The following LVRN variants were observed in gnomAD, a reference collection of about 807,000 sequenced individuals.
LVRN encodes the protein aminopeptidase Q.
LVRN carries 99 observed loss-of-function variants against 111.4 expected under a neutral mutation model. The ratio of observed to expected loss-of-function variants is 0.89; its 90% CI spans 0.76 to 1.05. The LOEUF is 1.05. Among genes scored for constraint, LVRN ranks in the 50% least tolerant of loss-of-function variants. The pLI is 0.00. For synonymous variants in LVRN, 488 were observed against 449.5 expected (o/e 1.09, Z -1.08); for missense variants, 1,414 against 1,206.8 (o/e 1.17, Z -2.54).
rs1748214793 is a variant in LVRN, at chr5:116,000,486, C to T, written c.1569C>T (p.Val523=). 3.1e-6 allele frequency: 5 copies of T among 1,614,122 alleles called. No individual in the cohort carries two copies. The highest frequency in any genetic ancestry group is 4.2e-6 in the Non-Finnish European group (5 of 1,179,996). The change falls in exon 8 of 20, where the codon GTC becomes GTT. Residue 523 remains valine (V), a synonymous_variant. Transcript: ENST00000357872. ...LSCFLNEHLF[V]SALKSYLKTF... ...GTTTCTTGAATGAGCATTTATTTGT[C>T]AGTGCACTCAAGGTGAGTTTGCAAA...
intron 7 of LVRN, among the ~76,000 whole-genome samples, chr5:116,000,208 T>G (rs1254847066): frequency 6.6e-6 from 1 of 152,210 alleles, no homozygotes; most frequent in Non-Finnish European, 1.5e-5. Flanking sequence ...TTTAAAAATT[T>G]TATGTACTCT....
intron 9 of LVRN, 102 bp downstream of exon 9, chr5:116,000,760 C>A: frequency 1.5e-6 from 2 of 1,298,192 alleles, no homozygotes; most frequent in South Asian, 1.3e-5. Context: ...AGGAAAACAG[C>A]TTTGTCTTGT....
At chr5:115,987,165 A>G (rs1334278813) in intron 3 of LVRN, among the ~76,000 whole-genome samples, 4 of 152,168 alleles carry the variant, frequency 2.6e-5, no homozygotes, top group Non-Finnish European at 4.4e-5. Flanking sequence ...CACAAAACGG[A>G]CAAAACATGG....
intron 16 of LVRN, among the ~76,000 whole-genome samples, chr5:116,014,907 A>T (rs1156766255): frequency 6.6e-6 from 1 of 152,154 alleles, no homozygotes; most frequent in Non-Finnish European, 1.5e-5. Flanking sequence ...TTGTTGCCTC[A>T]CTGAGCTCTG....
rs1326062102 is a variant in LVRN, at chr5:116,027,250, G to T, written c.*1132G>T. The T allele has an allele frequency of 2.6e-5, 4 of 152,104 alleles. No individual in the cohort carries two copies. The highest frequency in any genetic ancestry group is 1.3e-4 in the Admixed American group (2 of 15,266). The allele number at this position is 152,104 out of a possible 1,614,324, so 9.4% of individuals were successfully genotyped here. On this transcript the variant is annotated 3_prime_UTR_variant, in exon 20 of 20. Coordinates refer to ENST00000357872, the MANE Select transcript of LVRN (RefSeq NM_173800.5). Reference sequence around the variant, plus strand: ...TTTTATTTTTATTTTTGTAGAATGGGGGTAAAACTACAAATCTCCTCCTCA... The same window carrying T: ...TTTTATTTTTATTTTTGTAGAATGGTGGTAAAACTACAAATCTCCTCCTCA...
intron 3 of LVRN, among the ~76,000 whole-genome samples, chr5:115,986,125 A>C (rs1372103810): frequency 6.6e-6 from 1 of 152,254 alleles, no homozygotes; most frequent in Admixed American, 6.5e-5. Flanking sequence ...ATACCGTTTT[A>C]GATGCAAATG....
At chr5:115,998,433 G>T (rs1186319490) in intron 6 of LVRN, among the ~76,000 whole-genome samples, 1 of 152,108 alleles carries the variant, frequency 6.6e-6, no homozygotes, top group Non-Finnish European at 1.5e-5. Flanking sequence ...TACAACTATG[G>T]GAATAAATAG....
rs557096669 is a variant in LVRN at position 115,996,131 on chromosome 5, G to A, written c.1374+2277G>A. 2.6e-5 allele frequency among the ~76,000 whole-genome samples: 4 copies of A among 152,296 alleles called. No individual in the cohort carries two copies. The East Asian group carries it at 5.8e-4, about 22-fold the overall frequency. ...ACTTCTTTTGAAAGCAGTTGGGTAT[G>A]TCCTAAATTAACTCTGTGGATAGAG... On this transcript the variant is annotated intron_variant, in intron 6 of 19. Coordinates refer to ENST00000357872, the MANE Select transcript of LVRN (RefSeq NM_173800.5).
chr5:115,996,471 C>A (rs13359771), intron 6 of LVRN, among the ~76,000 whole-genome samples: 5,115 of 152,216 alleles, frequency 0.034, 200 homozygotes, highest in Admixed American at 0.084. Flanking sequence ...GACATTGCCA[C>A]GTTCTTTGTT....
At chr5:115,986,169 G>C (rs1414198551) in intron 3 of LVRN, among the ~76,000 whole-genome samples, 2 of 152,214 alleles carry the variant, frequency 1.3e-5, no homozygotes, top group East Asian at 3.8e-4. Flanking sequence ...GTTGGCTCCA[G>C]TCTGATTTTC....
chr5:116,025,822 C>G lies in LVRN; in HGVS notation c.2833-156C>G, dbSNP rs139742429. On this transcript the variant is annotated intron_variant, in intron 19 of 19. Transcript: ENST00000357872. ...TTCATCACATTGTCTCAGTCACAGT[C>G]TCCCCAGGGACACACAACCTAGGAG... 5.2e-3 allele frequency among the ~76,000 whole-genome samples: 798 copies of G among 152,332 alleles called. 5 individuals are homozygous for G. The highest frequency in any genetic ancestry group is 9.5e-3 in the Non-Finnish European group (647 of 68,038).
chr5:115,998,346 A>G (rs1428085), intron 6 of LVRN, among the ~76,000 whole-genome samples: 86,638 of 151,914 alleles, frequency 0.57, 25,048 homozygotes, highest in South Asian at 0.76. Flanking sequence ...AGCAGCCATT[A>G]TAAGGGATAA....
chr5:115,975,782 C>A (rs1753433477), intron 1 of LVRN: 1 of 152,630 alleles, frequency 6.6e-6, no homozygotes, highest in Admixed American at 6.5e-5. Flanking sequence ...AATTTGCCTT[C>A]CTCCGGTTGT....
intron 10 of LVRN, among the ~76,000 whole-genome samples, chr5:116,002,066 TC>T (rs1287645503): frequency 1.3e-5 from 2 of 152,214 alleles, no homozygotes; most frequent in African/African-American, 4.8e-5. Context: ...TTCAGATAGT[TC>T]TACTCTTTCT....
chr5:116,013,479 A>G (rs1210657866), intron 15 of LVRN, among the ~76,000 whole-genome samples: 5 of 152,162 alleles, frequency 3.3e-5, no homozygotes, highest in Non-Finnish European at 5.9e-5. Context: ...TTCTCTTCAG[A>G]GAAGCTCTAG....
At chr5:116,003,567 G>GTTT (rs561117310) in intron 12 of LVRN, among the ~76,000 whole-genome samples, 187 bp downstream of exon 12, 15 of 123,610 alleles carry the variant, frequency 1.2e-4, no homozygotes, top group African/African-American at 4.3e-4. Context: ...TTGTCTGTGT[G>GTTT]GTTTTTTTTT....
chr5:116,001,015 A>G (rs1748225238), intron 9 of LVRN, 52 bp from the exon 10 acceptor site: 1 of 1,537,934 alleles, frequency 6.5e-7, no homozygotes. Flanking sequence ...TTGCTACTTC[A>G]AAATGTTTCA....
intron 19 of LVRN, among the ~76,000 whole-genome samples, chr5:116,024,643 C>G (rs1748826053): frequency 6.6e-6 from 1 of 152,144 alleles, no homozygotes; most frequent in Non-Finnish European, 1.5e-5. Context: ...ATCTTTGCCT[C>G]TACTGAATCC....
At chr5:116,000,401 G>A (rs951878913) in intron 7 of LVRN, 32 bp from the exon 8 acceptor site, 1 of 1,608,088 alleles carries the variant, frequency 6.2e-7, no homozygotes, top group Non-Finnish European at 8.5e-7. Flanking sequence ...ATTGAATTTT[G>A]TTCAAATAAT....
Sources: allele counts gnomAD v4.1 joint callset (sites outside exome capture counted in the v4.1 genomes callset), GRCh38; gene constraint gnomAD v4.1.1; transcripts MANE v1.5; gene names NCBI Gene and HGNC (gene_info 2026-07-23, HGNC 2026-07-21).